TSHZ3: variants seen among roughly 807,000 people sequenced by gnomAD.
TSHZ3 encodes the protein teashirt homolog 3.
In TSHZ3, 10 loss-of-function variants were observed where a neutral mutation model predicts 64.5. The observed-to-expected ratio is 0.16, with a 90% CI of 0.10 to 0.26. TSHZ3 has a LOEUF of 0.26. TSHZ3 is among the 10% of genes least tolerant of loss of function. The pLI, the probability that TSHZ3 is intolerant of heterozygous loss-of-function variation, is 1.00. For synonymous variants in TSHZ3, 608 were observed against 593.1 expected (o/e 1.03, Z -0.36); for missense variants, 1,242 against 1,421.7 (o/e 0.87, Z 2.03).
At chr19:31,298,224 C>A (rs534741630) in intron 1 of TSHZ3, among the ~76,000 whole-genome samples, 7 of 152,050 alleles carry the variant, frequency 4.6e-5, no homozygotes, top group African/African-American at 1.7e-4. Context: ...TTGCTGTCCC[C>A]GCCATCCAAA....
chr19:31,273,568 T>C (rs1271849109), downstream of TSHZ3, among the ~76,000 whole-genome samples: 1 of 152,222 alleles, frequency 6.6e-6, no homozygotes, highest in Non-Finnish European at 1.5e-5. Flanking sequence ...CAGTTTAATC[T>C]GTTAGATGCA....
chr19:31,346,035 T>C (rs1157322376), intron 1 of TSHZ3, among the ~76,000 whole-genome samples: 1 of 152,188 alleles, frequency 6.6e-6, no homozygotes, highest in Non-Finnish European at 1.5e-5. Context: ...AAACCTCTCT[T>C]TCTCTTTGAG....
chr19:31,317,663 TC>T (rs1916642517), intron 1 of TSHZ3, among the ~76,000 whole-genome samples: 1 of 152,148 alleles, frequency 6.6e-6, no homozygotes, highest in African/African-American at 2.4e-5. Context: ...GCAGGGCGCA[TC>T]CCCAGACTGG....
intron 5 of TSHZ3, among the ~76,000 whole-genome samples, chr19:31,200,138 C>A (rs543314601): frequency 6.6e-6 from 1 of 152,038 alleles, no homozygotes; most frequent in African/African-American, 2.4e-5. Context: ...AATGAAACAG[C>A]CAATTTGGAA....
chr19:31,168,659 G>A (rs114588403), intron 5 of TSHZ3, among the ~76,000 whole-genome samples: 52 of 152,330 alleles, frequency 3.4e-4, no homozygotes, highest in African/African-American at 1.1e-3. Flanking sequence ...CATCTGAGGT[G>A]GGGATGGAAG....
Position 31,239,443 on chromosome 19 carries a change from T to A in TSHZ3, n.550+2826A>T, listed in dbSNP as rs535350775. Reference sequence around the variant, plus strand: ...CAGCCTGAATGATACTATTCACTATTTCTTTTTTGCAAGAATCCTAGTAAT... The same window carrying A: ...CAGCCTGAATGATACTATTCACTATATCTTTTTTGCAAGAATCCTAGTAAT... On this transcript the variant is annotated intron_variant and non_coding_transcript_variant, in intron 3 of 6. Coordinates refer to the TSHZ3 transcript ENST00000651361. Among the ~76,000 whole-genome samples the A allele has an allele frequency of 1.1e-3, 166 of 152,326 alleles. 1 individual carries two copies. The highest frequency in any genetic ancestry group is 3.9e-3 in the African/African-American group (161 of 41,566).
At chr19:31,207,619 A>C (rs1178714268) in intron 4 of TSHZ3, 1 of 152,208 alleles carries the variant, frequency 6.6e-6, no homozygotes, top group Non-Finnish European at 1.5e-5. Flanking sequence ...CTAATATTAC[A>C]ATGGAAACTT....
chr19:31,286,702 C>T (rs950085841), intron 1 of TSHZ3, among the ~76,000 whole-genome samples: 23 of 152,220 alleles, frequency 1.5e-4, no homozygotes, highest in African/African-American at 2.9e-4. Flanking sequence ...TGGGAGGGAG[C>T]GCCCTGTCCC....
At chr19:31,238,528 T>C (rs1388790565) in intron 3 of TSHZ3, among the ~76,000 whole-genome samples, 1 of 152,198 alleles carries the variant, frequency 6.6e-6, no homozygotes, top group African/African-American at 2.4e-5. Flanking sequence ...ATTGCTGGGA[T>C]TACAGGCGTG....
At chr19:31,331,760 ACAGTCAATTG>A (rs1917102915) in intron 1 of TSHZ3, among the ~76,000 whole-genome samples, 1 of 152,152 alleles carries the variant, frequency 6.6e-6, no homozygotes, top group Non-Finnish European at 1.5e-5. Flanking sequence ...TCCAGCCGGG[ACAGTCAATTG>A]ATTTTCACAG....
intron 1 of TSHZ3, among the ~76,000 whole-genome samples, chr19:31,298,720 G>A (rs1421643593): frequency 6.6e-6 from 1 of 152,118 alleles, no homozygotes; most frequent in East Asian, 1.9e-4. Context: ...CATGGATGAA[G>A]AGACTGACGC....
At chr19:31,166,352 G>T (rs1044389084) in intron 5 of TSHZ3, among the ~76,000 whole-genome samples, 1 of 152,362 alleles carries the variant, frequency 6.6e-6, no homozygotes, top group Admixed American at 6.5e-5. Flanking sequence ...AGCAGACCCA[G>T]TGTGGTTTTG....
At chr19:31,161,921 G>A (rs536621353) in intron 5 of TSHZ3, among the ~76,000 whole-genome samples, 1 of 152,196 alleles carries the variant, frequency 6.6e-6, no homozygotes, top group Non-Finnish European at 1.5e-5. Flanking sequence ...ACAGGCGATG[G>A]GCCTGGATGT....
chr19:31,172,654 A>G (rs1410545799), intron 5 of TSHZ3, among the ~76,000 whole-genome samples: 1 of 152,258 alleles, frequency 6.6e-6, no homozygotes, highest in East Asian at 1.9e-4. Flanking sequence ...TAAAGATCAT[A>G]TTTTATTTCA....
chr19:31,277,275 G>C lies in TSHZ3; in HGVS notation c.2518C>G (p.Arg840Gly). The C allele has an allele frequency of 6.2e-7, 1 of 1,614,014 alleles. No homozygotes were observed. Among genetic ancestry groups the C allele is most frequent in the Non-Finnish European group, 8.5e-7 (1 of 1,179,846 alleles). ...VVSFMSNSPL[R>G]ENALSDISDM... Reference sequence around the variant, plus strand: ...GATATATCTGACAAGGCATTCTCGCGTAGCGGCGAGTTTGACATGAATGAT... The same window carrying C: ...GATATATCTGACAAGGCATTCTCGCCTAGCGGCGAGTTTGACATGAATGAT... Residue 840 changes from arginine (R) to glycine (G), a missense_variant, in exon 2 of 2, where the codon CGC becomes GGC. Physicochemically the swap from Arg to Gly is moderately radical, Grantham distance 125. Around this residue, in one of 4 missense-constraint regions of TSHZ3, gnomAD observed 550 missense variants for 545.1 expected, o/e 1.01. Coordinates refer to ENST00000240587, the MANE Select transcript of TSHZ3 (RefSeq NM_020856.4). This position sits in a 1 kb window ranked among gnomAD's most constrained non-coding sequence, Gnocchi z 4.5.
At chr19:31,216,803 TTTTTTTA>T (rs1006038382) in intron 4 of TSHZ3, among the ~76,000 whole-genome samples, 54 of 151,916 alleles carry the variant, frequency 3.6e-4, no homozygotes, top group East Asian at 7.7e-4. Flanking sequence ...CCTGGCCAAT[TTTTTTTA>T]TTTTTTATTT....
chr19:31,229,867 AT>A (rs1975516438), intron 3 of TSHZ3, among the ~76,000 whole-genome samples: 1 of 152,166 alleles, frequency 6.6e-6, no homozygotes, highest in Non-Finnish European at 1.5e-5. Context: ...GTGAAACACG[AT>A]TTTTCAGCTA....
At chr19:31,233,345 A>G (rs1975564952) in intron 3 of TSHZ3, among the ~76,000 whole-genome samples, 1 of 152,306 alleles carries the variant, frequency 6.6e-6, no homozygotes, top group African/African-American at 2.4e-5. Context: ...CCAATAACTA[A>G]TGGCACTGAG....
At chr19:31,155,088 C>T (rs1974288846) in intron 6 of TSHZ3, among the ~76,000 whole-genome samples, 1 of 152,252 alleles carries the variant, frequency 6.6e-6, no homozygotes, top group Admixed American at 6.5e-5. Context: ...CCAGCCCTGT[C>T]TGGAATCAGA....
Sources: allele counts gnomAD v4.1 joint callset (sites outside exome capture counted in the v4.1 genomes callset), GRCh38; gene constraint gnomAD v4.1.1; regional missense constraint gnomAD v4.1.1; non-coding constraint Gnocchi (gnomAD v3.1); transcripts MANE v1.5; gene names NCBI Gene and HGNC (gene_info 2026-07-23, HGNC 2026-07-21).